Variants in KCNN2 observed in about 807,000 individuals in gnomAD.
The protein encoded by KCNN2 is small conductance calcium-activated potassium channel protein 2.
KCNN2 carries 24 observed loss-of-function variants against 55.5 expected under a neutral mutation model. The ratio of observed to expected loss-of-function variants is 0.43; its 90% CI spans 0.31 to 0.61. KCNN2 has a LOEUF of 0.61. Among genes scored for constraint, KCNN2 ranks in the 20% least tolerant of loss-of-function variants. The probability of loss-of-function intolerance (pLI) is 0.08; values close to 1 mark genes in which losing one functional copy is unlikely to be tolerated. For missense variants in KCNN2, 754 were observed against 853.6 expected, an observed-to-expected ratio of 0.88 and a Z score of 1.45; for synonymous variants, 431 against 336.1, an observed-to-expected ratio of 1.28 and a Z score of -3.09.
intron 1 of KCNN2, among the ~76,000 whole-genome samples, chr5:114,066,858 C>T (rs1361854393): frequency 2.6e-5 from 4 of 152,164 alleles, no homozygotes; most frequent in East Asian, 3.8e-4. Context: ...GGATTACAGG[C>T]GTGAGCCACC....
At chr5:114,272,304 TCACA>T (rs1247519116) in intron 2 of KCNN2, among the ~76,000 whole-genome samples, 8 of 58,836 alleles carry the variant, frequency 1.4e-4, no homozygotes, top group Non-Finnish European at 2.0e-4. Flanking sequence ...TATGTACATA[TCACA>T]CACACACATA....
chr5:114,398,614 A>G (rs1758692185), intron 2 of KCNN2, among the ~76,000 whole-genome samples: 1 of 152,110 alleles, frequency 6.6e-6, no homozygotes, highest in Non-Finnish European at 1.5e-5. Flanking sequence ...TAGGAATAAC[A>G]CTGATTCTGT....
At chr5:114,075,699 G>T (rs1403389453) in intron 1 of KCNN2, among the ~76,000 whole-genome samples, 2 of 149,168 alleles carry the variant, frequency 1.3e-5, no homozygotes, top group African/African-American at 4.9e-5. Flanking sequence ...CTTGAATCTG[G>T]TTTGACCAGG....
At chr5:114,166,090 C>T (rs1037879686) in intron 1 of KCNN2, among the ~76,000 whole-genome samples, 1 of 151,936 alleles carries the variant, frequency 6.6e-6, no homozygotes, top group Non-Finnish European at 1.5e-5. Context: ...TGGGGTTTCA[C>T]CGTGTTAGTT....
intron 1 of KCNN2, among the ~76,000 whole-genome samples, chr5:114,187,885 GCT>G (rs1204080875): frequency 3.3e-5 from 5 of 151,070 alleles, no homozygotes; most frequent in Non-Finnish European, 7.4e-5. Flanking sequence ...CGCAATCTCG[GCT>G]CACTGCAACC....
chr5:114,436,705 G>A (rs1580833331), intron 3 of KCNN2, among the ~76,000 whole-genome samples: 1 of 152,152 alleles, frequency 6.6e-6, no homozygotes, highest in East Asian at 1.9e-4. Flanking sequence ...AGGCATACAA[G>A]TATGAAAGGG....
At chr5:114,119,980 A>C (rs1751793237) in intron 1 of KCNN2, among the ~76,000 whole-genome samples, 1 of 152,172 alleles carries the variant, frequency 6.6e-6, no homozygotes, top group African/African-American at 2.4e-5. Flanking sequence ...AGAAAAACAC[A>C]GCATGTGCGC....
In KCNN2 at chr5:114,473,889, C is replaced by A. The variant is rs182167568; in HGVS notation, c.1890+725C>A. Among the ~76,000 whole-genome samples, 13 of 152,182 alleles carry A rather than the reference C, an allele frequency of 8.5e-5. 1 individual carries two copies. Among genetic ancestry groups the A allele is most frequent in the Admixed American group, 8.5e-4 (13 of 15,288 alleles). On this transcript the variant is annotated intron_variant, in intron 5 of 7. Coordinates refer to ENST00000673685, the MANE Select transcript of KCNN2 (RefSeq NM_021614.4). ...GGGTTAGGTAACTTGCTCAAAGTCA[C>A]CAGATCCAGGTAGAAAACTGCAAGA... is the stretch of plus-strand genomic sequence containing the variant.
chr5:114,417,494 ACT>A (rs1759341278), intron 3 of KCNN2, among the ~76,000 whole-genome samples: 1 of 152,158 alleles, frequency 6.6e-6, no homozygotes. Flanking sequence ...GAAATATCAC[ACT>A]GATACCTTTT....
At chr5:114,397,189 T>C (rs1402702694) in intron 2 of KCNN2, among the ~76,000 whole-genome samples, 1 of 152,200 alleles carries the variant, frequency 6.6e-6, no homozygotes, top group Non-Finnish European at 1.5e-5. Context: ...AACATACGCG[T>C]ACGTGTATCT....
chr5:114,275,338 GC>G (rs1385725188), intron 2 of KCNN2, among the ~76,000 whole-genome samples: 2 of 152,152 alleles, frequency 1.3e-5, no homozygotes, highest in African/African-American at 2.4e-5. Context: ...TCAGGATGAT[GC>G]TAGCCTCATG....
chr5:114,463,867 G>C (rs1185353732), intron 4 of KCNN2, among the ~76,000 whole-genome samples: 1 of 152,198 alleles, frequency 6.6e-6, no homozygotes, highest in South Asian at 2.1e-4. Context: ...AGTGAGAAGG[G>C]TCCATACCCA....
At chr5:114,453,735 A>T (rs1328428034) in intron 3 of KCNN2, among the ~76,000 whole-genome samples, 4 of 152,042 alleles carry the variant, frequency 2.6e-5, no homozygotes, top group African/African-American at 9.7e-5. Flanking sequence ...TTACATTCTA[A>T]CTGCATTACG....
chr5:114,396,957 T>C (rs747707707), intron 2 of KCNN2, among the ~76,000 whole-genome samples: 7 of 152,152 alleles, frequency 4.6e-5, no homozygotes, highest in African/African-American at 1.2e-4. Flanking sequence ...CTCCCACTTA[T>C]AAGTAAGAAT....
chr5:114,232,922 C>CTCGT lies in KCNN2; in HGVS notation c.-185+11358_-185+11359insCGTT, dbSNP rs200715120. Among the ~76,000 whole-genome samples, 6 of 44,034 alleles carry CTCGT rather than the reference C, an allele frequency of 1.4e-4. 1 individual carries two copies. Among genetic ancestry groups the CTCGT allele is most frequent in the Admixed American group, 8.1e-4 (3 of 3,684 alleles). The allele number at this position is 44,034 out of a possible 152,430, so 28.9% of individuals were successfully genotyped here. On this transcript the variant is annotated intron_variant, in intron 2 of 10. Transcript: ENST00000512097. ...TCAGAGGTAATTTTTTATATTGTTTCTTGTTTTTTTTTTTTTGAGACGGAG... is the reference window on the plus strand; with the variant it reads ...TCAGAGGTAATTTTTTATATTGTTTCTCGTTTGTTTTTTTTTTTTTGAGACGGAG...
chr5:114,126,494 T>C (rs894999068), intron 1 of KCNN2, among the ~76,000 whole-genome samples: 1 of 152,092 alleles, frequency 6.6e-6, no homozygotes, highest in Admixed American at 6.5e-5. Context: ...CTCATTCTCA[T>C]GAGAACAGGA....
In KCNN2 at chr5:114,493,385, C is replaced by T; in HGVS notation, c.2019-18C>T. The T allele has an allele frequency of 6.7e-7, 1 of 1,491,798 alleles. No homozygotes were observed. The allele number at this position is 1,491,798 out of a possible 1,614,324, so 92.4% of individuals were successfully genotyped here. A position where few individuals can be genotyped will look rare whatever the true frequency, so the allele number is the denominator to read the frequency against. ...TAGGAAGAAGGGAACCTTTCTGATA[C>T]CAGATTCTATCTTTTAGATTAAGAA... On this transcript the variant is annotated intron_variant, in intron 6 of 7. Coordinates refer to ENST00000673685, the MANE Select transcript of KCNN2 (RefSeq NM_021614.4).
In KCNN2 at chr5:114,468,787, C is replaced by T. The variant is rs148295064; in HGVS notation, c.1780-4267C>T. On this transcript the variant is annotated intron_variant, in intron 4 of 7. Transcript: ENST00000673685. ...AGTTGAAATAATCAAAACCTTTCCA[C>T]AGTGTGTTATGTGAAGGAATTTCTC... 2.6e-5 allele frequency among the ~76,000 whole-genome samples: 4 copies of T among 152,244 alleles called. No homozygotes were observed. The East Asian group carries it at 7.7e-4, about 29-fold the overall frequency.
intron 1 of KCNN2, among the ~76,000 whole-genome samples, chr5:114,074,644 A>G (rs1750650346): frequency 6.6e-6 from 1 of 152,208 alleles, no homozygotes; most frequent in Admixed American, 6.5e-5. Context: ...TGGTGAAGCA[A>G]GCTTCCTTTG....
Sources: allele counts gnomAD v4.1 joint callset (sites outside exome capture counted in the v4.1 genomes callset), GRCh38; gene constraint gnomAD v4.1.1; transcripts MANE v1.5; gene names NCBI Gene and HGNC (gene_info 2026-07-23, HGNC 2026-07-21).